The following AKAP13 variants were observed in gnomAD, a reference collection of about 807,000 sequenced individuals.
AKAP13 encodes A-kinase anchor protein 13.
Under a neutral mutation model 264.5 loss-of-function variants are expected in AKAP13, and 80 were observed. That is an observed-to-expected ratio of 0.30 (90% CI 0.25 to 0.36). The LOEUF is 0.36. Ranked by LOEUF, AKAP13 falls within the 10% of genes least tolerant of loss-of-function variation. The probability of loss-of-function intolerance (pLI) is 1.00; values close to 1 mark genes in which losing one functional copy is unlikely to be tolerated. For missense variants in AKAP13, 3,712 were observed against 3,435.2 expected, an observed-to-expected ratio of 1.08 and a Z score of -2.01; for synonymous variants, 1,380 against 1,250.2, an observed-to-expected ratio of 1.10 and a Z score of -2.19.
intron 1 of AKAP13, among the ~76,000 whole-genome samples, chr15:85,400,034 A>C (rs1426657943): frequency 6.6e-6 from 1 of 152,166 alleles, no homozygotes; most frequent in African/African-American, 2.4e-5. Flanking sequence ...CTTGGCCTCA[A>C]GTGATCCTCC....
chr15:85,543,754 T>G lies in AKAP13; in HGVS notation c.479-18T>G. On this transcript the variant is annotated intron_variant, in intron 4 of 36. Transcript: ENST00000394518. ...TTATATTTTCCTCACTTACGTTCAT[T>G]TTCTCCCCCATTTACAGATGCTGGC... 6.3e-7 allele frequency: 1 copy of G among 1,579,240 alleles called. No individual in the cohort carries two copies. The highest frequency in any genetic ancestry group is 8.6e-7 in the Non-Finnish European group (1 of 1,161,650).
intron 16 of AKAP13, chr15:85,692,957 A>AGGGCTGTACTGAG (rs1174744245): frequency 4.4e-6 from 1 of 228,342 alleles, no homozygotes. Context: ...TTGCTGAGGA[A>AGGGCTGTACTGAG]GGGCTGTACT....
At position 85,708,001 on chromosome 15, in the gene AKAP13, G is replaced by T; in HGVS notation, c.5465-18G>T. Reference sequence around the variant, plus strand: ...TGTTTGCTTTGTCCATGTGACCTTGGGTTTGCTTTCTTTTCAGATTGCAGT... The same window carrying T: ...TGTTTGCTTTGTCCATGTGACCTTGTGTTTGCTTTCTTTTCAGATTGCAGT... On this transcript the variant is annotated intron_variant, in intron 17 of 36. Coordinates refer to ENST00000394518, the MANE Select transcript of AKAP13 (RefSeq NM_007200.5). This position sits in a 1 kb window ranked among gnomAD's most constrained non-coding sequence, Gnocchi z 4.3. The T allele has an allele frequency of 1.2e-6, 2 of 1,613,374 alleles. No individual in the cohort carries two copies. The highest frequency in any genetic ancestry group is 1.7e-6 in the Non-Finnish European group (2 of 1,179,610).
intron 17 of AKAP13, among the ~76,000 whole-genome samples, chr15:85,704,258 G>A (rs966632174): frequency 2.0e-5 from 3 of 152,170 alleles, no homozygotes; most frequent in African/African-American, 7.2e-5. Context: ...GCTCCCAAAG[G>A]TGGCTCGTTT....
At chr15:85,596,077 A>G (rs974174285) in intron 8 of AKAP13, among the ~76,000 whole-genome samples, 1 of 152,224 alleles carries the variant, frequency 6.6e-6, no homozygotes, top group African/African-American at 2.4e-5. Context: ...AGCAACTGGG[A>G]CAGTGTCTTA....
intron 2 of AKAP13, among the ~76,000 whole-genome samples, chr15:85,502,901 C>A (rs1178690159): frequency 1.3e-5 from 2 of 152,014 alleles, no homozygotes; most frequent in Non-Finnish European, 2.9e-5. Context: ...TAAGTAAAAC[C>A]AAAAAGTAAT....
chr15:85,520,182 T>C (rs748506165), intron 2 of AKAP13, among the ~76,000 whole-genome samples: 1 of 149,082 alleles, frequency 6.7e-6, no homozygotes, highest in Non-Finnish European at 1.5e-5. Context: ...AAAAAAAAAA[T>C]CAATATATAA....
chr15:85,405,843 C>T (rs1457854953), intron 1 of AKAP13, among the ~76,000 whole-genome samples: 2 of 152,026 alleles, frequency 1.3e-5, no homozygotes, highest in African/African-American at 4.8e-5. Context: ...TACCTGCCCT[C>T]ACCCCCCACC....
At chr15:85,475,113 C>CTGGGGA (rs2075111574) in intron 1 of AKAP13, among the ~76,000 whole-genome samples, 1 of 152,114 alleles carries the variant, frequency 6.6e-6, no homozygotes, top group Non-Finnish European at 1.5e-5. Flanking sequence ...TTGATAGAGG[C>CTGGGGA]TGGGGAGGAT....
intron 9 of AKAP13, among the ~76,000 whole-genome samples, chr15:85,641,445 CAAATAAAT>C (rs199664618): frequency 0.16 from 15,674 of 97,092 alleles, 1,551 homozygotes; most frequent in African/African-American, 0.22. Context: ...GACTCCATCT[CAAATAAAT>C]AAATAAATAA....
intron 1 of AKAP13, among the ~76,000 whole-genome samples, chr15:85,420,110 T>A (rs1162445555): frequency 6.6e-6 from 1 of 151,766 alleles, no homozygotes; most frequent in African/African-American, 2.4e-5. Context: ...CCCGGCTAAT[T>A]TTTTGTATTT....
intron 1 of AKAP13, among the ~76,000 whole-genome samples, chr15:85,383,714 G>C (rs1366480316): frequency 6.6e-6 from 1 of 152,166 alleles, no homozygotes; most frequent in African/African-American, 2.4e-5. Context: ...GGCTTGGTAG[G>C]GTAGAGCTCT....
At chr15:85,678,959 G>C (rs2084418160) in intron 14 of AKAP13, among the ~76,000 whole-genome samples, 4 of 152,054 alleles carry the variant, frequency 2.6e-5, no homozygotes, top group Admixed American at 2.0e-4. Flanking sequence ...CAAGGTCCCA[G>C]TCAGGCACAG....
chr15:85,587,952 A>G (rs901090108), intron 8 of AKAP13, among the ~76,000 whole-genome samples: 1 of 152,120 alleles, frequency 6.6e-6, no homozygotes, highest in African/African-American at 2.4e-5. Flanking sequence ...CCAGCCAGCT[A>G]TTAACTTTTA....
At chr15:85,723,017 T>C (rs1190430391) in intron 25 of AKAP13, 55 bp from the exon 26 acceptor site, 18 of 1,588,578 alleles carry the variant, frequency 1.1e-5, no homozygotes, top group Non-Finnish European at 1.5e-5. Flanking sequence ...ATTCCCTTGC[T>C]TCTGCCCTTG....
chr15:85,549,052 T>G (rs996112706), intron 5 of AKAP13, among the ~76,000 whole-genome samples: 2 of 152,226 alleles, frequency 1.3e-5, no homozygotes, highest in African/African-American at 4.8e-5. Flanking sequence ...TTTCTTTTCC[T>G]TCTAATGCCT....
intron 14 of AKAP13, among the ~76,000 whole-genome samples, chr15:85,676,661 A>G (rs755997117): frequency 2.0e-4 from 30 of 152,334 alleles, no homozygotes; most frequent in South Asian, 4.1e-4. Flanking sequence ...AGCCAGATAT[A>G]AAATCCTGAG....
intron 8 of AKAP13, among the ~76,000 whole-genome samples, chr15:85,638,163 C>T (rs944602562): frequency 2.0e-5 from 3 of 152,120 alleles, no homozygotes; most frequent in East Asian, 1.9e-4. Context: ...GGATTACAGG[C>T]GTGCCACGCC....
chr15:85,510,716 G>C (rs1261541881), intron 2 of AKAP13, among the ~76,000 whole-genome samples: 1 of 152,046 alleles, frequency 6.6e-6, no homozygotes, highest in Non-Finnish European at 1.5e-5. Context: ...AGTTACCAAG[G>C]GTGTTATTAA....
Sources: gnomAD v4.1 joint callset for allele counts (sites outside exome capture counted in the v4.1 genomes callset) on GRCh38, gnomAD v4.1.1 for gene constraint, Gnocchi (gnomAD v3.1) non-coding constraint, MANE v1.5 for transcripts, NCBI Gene and HGNC (gene_info 2026-07-23, HGNC 2026-07-21) for gene names.